B3GNT4: variants seen among roughly 807,000 people sequenced by gnomAD.
B3GNT4 encodes the protein N-acetyllactosaminide beta-1,3-N-acetylglucosaminyltransferase 4.
A neutral mutation model predicts 2.7 loss-of-function variants in B3GNT4; 2 were observed. That is an observed-to-expected ratio of 0.73 (90% CI 0.30 to 2.31). B3GNT4 has a LOEUF of 2.31. B3GNT4 is among the 30% of genes most tolerant of loss of function. B3GNT4 has a pLI of 0.12. For synonymous variants in B3GNT4, 280 were observed against 203.4 expected (o/e 1.38, Z -3.20); for missense variants, 708 against 490.9 (o/e 1.44, Z -4.18).
chr12:122,205,267 T>A (rs1953899816), intron 2 of B3GNT4: 1 of 153,264 alleles, frequency 6.5e-6, no homozygotes, highest in South Asian at 2.1e-4. Flanking sequence ...ATGGGATCCG[T>A]CCTCCGCGTC....
At chr12:122,204,768 G>A (rs1357807053) in intron 2 of B3GNT4, 84 bp downstream of exon 2, 5 of 1,234,310 alleles carry the variant, frequency 4.1e-6, no homozygotes, top group Admixed American at 4.0e-5. Flanking sequence ...AACTCTGGCC[G>A]GTGGCTCACG....
In B3GNT4 at chr12:122,203,718, C is replaced by T. The variant is rs1953876359; in HGVS notation, c.-181C>T. On this transcript the variant is annotated 5_prime_UTR_variant, in exon 1 of 3. Coordinates refer to ENST00000324189, the MANE Select transcript of B3GNT4 (RefSeq NM_030765.4). ...TCCAGAAGCCCCGCCCACTCCCGAG[C>T]CCCGAGAGCTCCGCGCACCTGGGCG... 3 of 296,448 alleles carry T rather than the reference C, an allele frequency of 1.0e-5. No homozygotes were observed. The highest frequency in any genetic ancestry group is 1.1e-4 in the South Asian group (1 of 8,714). 18.4% of individuals were successfully genotyped at this position (296,448 alleles called of 1,614,324 possible). A position where few individuals can be genotyped will look rare whatever the true frequency, so the allele number is the denominator to read the frequency against.
At position 122,208,271 on chromosome 12, in the gene B3GNT4, G is replaced by T; in HGVS notation, c.*883G>T. 1.5e-6 allele frequency: 2 copies of T among 1,325,662 alleles called. No homozygotes were observed. The highest frequency in any genetic ancestry group is 1.1e-6 in the Non-Finnish European group (1 of 937,570). 82.1% of individuals were successfully genotyped at this position (1,325,662 alleles called of 1,614,324 possible). On this transcript the variant is annotated 3_prime_UTR_variant, in exon 3 of 3. Coordinates refer to ENST00000324189, the MANE Select transcript of B3GNT4 (RefSeq NM_030765.4). Reference sequence around the variant, plus strand: ...CGTCTCGCCTGATTGGCCAGGGCAGGATCTGCCGCCTCTTCTCGGTGCACA... The same window carrying T: ...CGTCTCGCCTGATTGGCCAGGGCAGTATCTGCCGCCTCTTCTCGGTGCACA...
intron 1 of B3GNT4, 141 bp from the exon 2 acceptor site, chr12:122,204,381 T>G: frequency 2.4e-6 from 1 of 408,498 alleles, no homozygotes; most frequent in South Asian, 3.1e-5. Context: ...GGCCAGCGCC[T>G]GGGGACGCCC....
At position 122,207,482 on chromosome 12, in the gene B3GNT4, C is replaced by G; in HGVS notation, c.*94C>G. The G allele has an allele frequency of 3.2e-6, 4 of 1,257,794 alleles. No homozygotes were observed. The highest frequency in any genetic ancestry group is 4.3e-6 in the Non-Finnish European group (4 of 935,582). The allele number at this position is 1,257,794 out of a possible 1,614,324, so 77.9% of individuals were successfully genotyped here. On this transcript the variant is annotated 3_prime_UTR_variant, in exon 3 of 3. Transcript: ENST00000324189. The stretch of plus-strand genomic sequence containing the variant: ...CCTGCTGCTCTACAGAAAATGCCAA[C>G]TTGGTTTTTTAACTCCTCTCACCCT...
Position 122,207,099 on chromosome 12 carries a change from T to C in B3GNT4, c.848T>C (p.Met283Thr), listed in dbSNP as rs766942993. 1.1e-5 allele frequency: 17 copies of C among 1,614,024 alleles called. No homozygotes were observed. Among genetic ancestry groups the C allele is most frequent in the South Asian group, 2.2e-5 (2 of 91,074 alleles). Residue 283 changes from methionine (M) to threonine (T), a missense_variant, in exon 3 of 3, where the codon ATG (methionine) becomes ACG (threonine). By Grantham distance (81) the Met-to-Thr change is moderately conservative. Transcript: ENST00000324189. Reference protein sequence around the residue: ...PPYAGGGGYVMSRATVRRLQA... With the variant: ...PPYAGGGGYVTSRATVRRLQA... ...TATGCTGGTGGGGGAGGATATGTCA[T>C]GTCCAGAGCCACAGTGCGGCGCCTC...
At position 122,206,765 on chromosome 12, in the gene B3GNT4, G is replaced by C. The variant is rs376862803; in HGVS notation, c.514G>C (p.Ala172Pro). The C allele has an allele frequency of 1.2e-5, 19 of 1,606,714 alleles. No homozygotes were observed. The highest frequency in any genetic ancestry group is 2.7e-5 in the African/African-American group (2 of 74,894). ...AGSAPPAQLLAYESREFDDIL... is the reference protein window; with the variant it reads ...AGSAPPAQLLPYESREFDDIL... The stretch of plus-strand genomic sequence containing the variant: ...ATCCGCTCCCCCAGCCCAGCTGCTG[G>C]CCTATGAGAGTAGGGAGTTTGATGA... Residue 172 changes from alanine (A) to proline (P), a missense_variant, in exon 3 of 3, where the codon GCC (alanine) becomes CCC (proline). Ala to Pro is a conservative substitution (Grantham distance 27). Coordinates refer to ENST00000324189, the MANE Select transcript of B3GNT4 (RefSeq NM_030765.4).
intron 2 of B3GNT4, chr12:122,204,905 C>A (rs1241977287): frequency 9.0e-6 from 5 of 552,970 alleles, no homozygotes; most frequent in East Asian, 3.3e-5. Context: ...CCCTGCACGC[C>A]TGTAGTCCCA....
At position 122,207,189 on chromosome 12, in the gene B3GNT4, G is replaced by T. The variant is rs752212574; in HGVS notation, c.938G>T (p.Arg313Met). ...IDDVFVGMCL[R>M]RLGLSPMHHA... The stretch of plus-strand genomic sequence containing the variant: ...GATGTCTTTGTGGGTATGTGCCTGA[G>T]GCGGCTGGGGCTGAGCCCTATGCAC... The change falls in exon 3 of 3, where the codon AGG (arginine) becomes ATG (methionine). Residue 313 changes from arginine (R) to methionine (M), a missense_variant. Physicochemically the swap from Arg to Met is moderately conservative, Grantham distance 91. Coordinates refer to ENST00000324189, the MANE Select transcript of B3GNT4 (RefSeq NM_030765.4). 6 of 1,614,062 alleles carry T rather than the reference G, an allele frequency of 3.7e-6. No homozygotes were observed. Among genetic ancestry groups the T allele is most frequent in the Non-Finnish European group, 5.1e-6 (6 of 1,180,010 alleles).
Position 122,207,717 on chromosome 12 carries a change from C to G in B3GNT4, c.*329C>G. The G allele has an allele frequency of 1.9e-6, 1 of 536,652 alleles. No homozygotes were observed. Among genetic ancestry groups the G allele is most frequent in the Non-Finnish European group, 3.6e-6 (1 of 281,122 alleles). 33.2% of individuals were successfully genotyped at this position (536,652 alleles called of 1,614,324 possible). A position where few individuals can be genotyped will look rare whatever the true frequency, so the allele number is the denominator to read the frequency against. ...TCAGATGCAAACAAAATCTTACACTCTTCTCCTTTGGATACAATAGAGAAA... is the reference window on the plus strand; with the variant it reads ...TCAGATGCAAACAAAATCTTACACTGTTCTCCTTTGGATACAATAGAGAAA... On this transcript the variant is annotated 3_prime_UTR_variant, in exon 3 of 3. Coordinates refer to ENST00000324189, the MANE Select transcript of B3GNT4 (RefSeq NM_030765.4).
Position 122,204,698 on chromosome 12 carries a change from A to G in B3GNT4, c.66+14A>G, listed in dbSNP as rs747434133. On this transcript the variant is annotated intron_variant, in intron 2 of 2. Transcript: ENST00000324189. Reference sequence around the variant, plus strand: ...CTTTTACCAAAGGTCAGATTCTTTCACCGCCTCTGCCAGACCCCCTTGTCC... The same window carrying G: ...CTTTTACCAAAGGTCAGATTCTTTCGCCGCCTCTGCCAGACCCCCTTGTCC... The G allele has an allele frequency of 1.5e-5, 24 of 1,594,498 alleles. No homozygotes were observed. The East Asian group carries it at 5.4e-4, about 36-fold the overall frequency.
chr12:122,206,786 G>C lies in B3GNT4; in HGVS notation c.535G>C (p.Asp179His). The change falls in exon 3 of 3, where the codon GAT (aspartate) becomes CAT (histidine). Residue 179 changes from aspartate (D) to histidine (H), a missense_variant. Physicochemically the swap from Asp to His is moderately conservative, Grantham distance 81. Coordinates refer to ENST00000324189, the MANE Select transcript of B3GNT4 (RefSeq NM_030765.4). ...QLLAYESREF[D>H]DILQWDFTED... ...GCTGGCCTATGAGAGTAGGGAGTTT[G>C]ATGACATCCTCCAGTGGGACTTCAC... The C allele has an allele frequency of 6.2e-7, 1 of 1,608,582 alleles. No individual in the cohort carries two copies. The highest frequency in any genetic ancestry group is 8.5e-7 in the Non-Finnish European group (1 of 1,177,056).
rs938324322 is a variant in B3GNT4, at chr12:122,207,164, G to C, written c.913G>C (p.Asp305His). 2.5e-6 allele frequency: 4 copies of C among 1,613,928 alleles called. No individual in the cohort carries two copies. The highest frequency in any genetic ancestry group is 2.7e-5 in the African/African-American group (2 of 74,928). ...MEDAELFPID[D>H]VFVGMCLRRL... Reference sequence around the variant, plus strand: ...AGATGCTGAACTCTTCCCCATTGATGATGTCTTTGTGGGTATGTGCCTGAG... The same window carrying C: ...AGATGCTGAACTCTTCCCCATTGATCATGTCTTTGTGGGTATGTGCCTGAG... Residue 305 changes from aspartate to histidine, a missense_variant, in exon 3 of 3, where the codon GAT becomes CAT. Asp to His is a moderately conservative substitution (Grantham distance 81, BLOSUM62 -1). Coordinates refer to ENST00000324189, the MANE Select transcript of B3GNT4 (RefSeq NM_030765.4).
In B3GNT4 at chr12:122,206,775, G is replaced by GT; in HGVS notation, c.525dup (p.Arg176Ter). On this transcript the variant is annotated frameshift_variant, in exon 3 of 3. Coordinates refer to ENST00000324189, the MANE Select transcript of B3GNT4 (RefSeq NM_030765.4). LOFTEE classifies it low-confidence loss of function (END_TRUNC). ...CCAGCCCAGCTGCTGGCCTATGAGAGTAGGGAGTTTGATGACATCCTCCAG... is the reference window on the plus strand; with the variant it reads ...CCAGCCCAGCTGCTGGCCTATGAGAGTTAGGGAGTTTGATGACATCCTCCAG... The GT allele has an allele frequency of 6.2e-7, 1 of 1,607,984 alleles. No homozygotes were observed. Among genetic ancestry groups the GT allele is most frequent in the South Asian group, 1.1e-5 (1 of 90,338 alleles).
Position 122,206,758 on chromosome 12 carries a change from G to C in B3GNT4, c.507G>C (p.Gln169His). The change falls in exon 3 of 3, where the codon CAG becomes CAC. Residue 169 changes from glutamine (Q) to histidine (H), a missense_variant. Transcript: ENST00000324189. ...TGGCAGGATCCGCTCCCCCAGCCCA[G>C]CTGCTGGCCTATGAGAGTAGGGAGT... ...LGVAGSAPPA[Q>H]LLAYESREFD... is the part of the protein sequence containing the mutation. 3.1e-6 allele frequency: 5 copies of C among 1,606,142 alleles called. No individual in the cohort carries two copies. The highest frequency in any genetic ancestry group is 4.3e-6 in the Non-Finnish European group (5 of 1,175,550).
intron 2 of B3GNT4, 36 bp from the exon 3 acceptor site, chr12:122,206,282 G>A (rs747311388): frequency 3.3e-6 from 5 of 1,500,922 alleles, no homozygotes; most frequent in Non-Finnish European, 4.4e-6. Flanking sequence ...CAGGGACCCG[G>A]GGCTGGGCCC....
chr12:122,208,686 C>A lies in B3GNT4; in HGVS notation c.*1298C>A. 1 of 1,137,470 alleles carries A rather than the reference C, an allele frequency of 8.8e-7. No homozygotes were observed. Among genetic ancestry groups the A allele is most frequent in the Middle Eastern group, 1.9e-4 (1 of 5,214 alleles). 70.5% of individuals were successfully genotyped at this position (1,137,470 alleles called of 1,614,324 possible). ...CTGTCATCTGAACCCCTCTTGGGGT[C>A]ACTTTCCTTGACCTCCCTGTCTTCT... On this transcript the variant is annotated 3_prime_UTR_variant, in exon 3 of 3. Transcript: ENST00000324189.
In B3GNT4 at chr12:122,208,014, CG is replaced by C. The variant is rs1385972804; in HGVS notation, c.*627del. 2 of 493,276 alleles carry C rather than the reference CG, an allele frequency of 4.1e-6. No individual in the cohort carries two copies. The highest frequency in any genetic ancestry group is 1.9e-5 in the African/African-American group (1 of 51,518). 30.6% of individuals were successfully genotyped at this position (493,276 alleles called of 1,614,324 possible). On this transcript the variant is annotated 3_prime_UTR_variant, in exon 3 of 3. Coordinates refer to ENST00000324189, the MANE Select transcript of B3GNT4 (RefSeq NM_030765.4). The stretch of plus-strand genomic sequence containing the variant: ...ACAAGTACTAAATCATTTTTGACGA[CG>C]TAAATAAGACTGAAAACAGGTTAAA...
intron 1 of B3GNT4, among the ~76,000 whole-genome samples, chr12:122,204,075 C>G (rs565241367): frequency 6.6e-6 from 1 of 151,818 alleles, no homozygotes; most frequent in African/African-American, 2.4e-5. Context: ...GCCGCCCGCG[C>G]CCGACGCGCA....
Sources: allele counts gnomAD v4.1 joint callset (sites outside exome capture counted in the v4.1 genomes callset), GRCh38; gene constraint gnomAD v4.1.1; transcripts MANE v1.5; gene names NCBI Gene and HGNC (gene_info 2026-07-23, HGNC 2026-07-21).